MDN1: variants seen among roughly 807,000 people sequenced by gnomAD.
The protein encoded by MDN1 is midasin AAA ATPase 1.
MDN1 carries 266 observed loss-of-function variants against 669.2 expected under a neutral mutation model. The observed-to-expected ratio is 0.40, with a 90% CI of 0.36 to 0.44. The LOEUF (loss-of-function observed/expected upper bound fraction) is 0.44. Ranked by LOEUF, MDN1 falls within the 20% of genes least tolerant of loss-of-function variation. MDN1 has a pLI of 1.00. For missense variants in MDN1, 5,940 were observed against 6,754.0 expected (o/e 0.88, Z 4.22); for synonymous variants, 2,385 against 2,457.1 (o/e 0.97, Z 0.87).
At chr6:89,672,744 A>C in intron 80 of MDN1, 42 bp from the exon 81 acceptor site, 1 of 1,596,090 alleles carries the variant, frequency 6.3e-7, no homozygotes, top group Non-Finnish European at 8.5e-7. Flanking sequence ...CAAACAAAAG[A>C]CACCAATCAT....
In MDN1 at chr6:89,712,134, A is replaced by G; in HGVS notation, c.7553T>C (p.Met2518Thr). The change falls in exon 49 of 102, where the codon ATG becomes ACG. Residue 2518 changes from methionine (M) to threonine (T), a missense_variant. Met to Thr is a moderately conservative substitution (Grantham distance 81). Coordinates refer to ENST00000369393, the MANE Select transcript of MDN1 (RefSeq NM_014611.3). ...TCTTTCTATGAGCAATTTAACAGCCATGACCAAAACATCTGGTTCATCGAT... is the reference window on the plus strand; with the variant it reads ...TCTTTCTATGAGCAATTTAACAGCCGTGACCAAAACATCTGGTTCATCGAT... ...YWIDEPDVLVMAVKLLIERAT... is the reference protein window; with the variant it reads ...YWIDEPDVLVTAVKLLIERAT... 1 of 1,614,202 alleles carries G rather than the reference A, an allele frequency of 6.2e-7. No homozygotes were observed. Among genetic ancestry groups the G allele is most frequent in the Non-Finnish European group, 8.5e-7 (1 of 1,180,010 alleles).
Position 89,713,263 on chromosome 6 carries a change from T to C in MDN1, c.7103A>G (p.Gln2368Arg). The stretch of plus-strand genomic sequence containing the variant: ...GTACTGGACAATTAGTATGGCTGTC[T>C]GGATTAGAGTTGATACAGAAGATGT... ...SPTSSVSTLIQTAILIVQYLQ... is the reference protein window; with the variant it reads ...SPTSSVSTLIRTAILIVQYLQ... Residue 2368 changes from glutamine (Q) to arginine (R), a missense_variant, in exon 47 of 102, where the codon CAG becomes CGG. Coordinates refer to ENST00000369393, the MANE Select transcript of MDN1 (RefSeq NM_014611.3). 1 of 1,613,822 alleles carries C rather than the reference T, an allele frequency of 6.2e-7. No homozygotes were observed. Among genetic ancestry groups the C allele is most frequent in the South Asian group, 1.1e-5 (1 of 91,066 alleles).
At position 89,706,041 on chromosome 6, in the gene MDN1, C is replaced by G. The variant is rs1813490956; in HGVS notation, c.8148+18G>C. On this transcript the variant is annotated intron_variant, in intron 53 of 101. Coordinates refer to ENST00000369393, the MANE Select transcript of MDN1 (RefSeq NM_014611.3). ...TAAATTTTGTTGTTTAAAAATAAAA[C>G]AAGATGCAGTTCCTTACCTCATTGG... 3 of 1,543,256 alleles carry G rather than the reference C, an allele frequency of 1.9e-6. No homozygotes were observed. Among genetic ancestry groups the G allele is most frequent in the Non-Finnish European group, 2.6e-6 (3 of 1,141,946 alleles).
chr6:89,812,110 C>G (rs1291833140), intron 1 of MDN1, among the ~76,000 whole-genome samples: 5 of 151,706 alleles, frequency 3.3e-5, no homozygotes, highest in Non-Finnish European at 7.4e-5. Flanking sequence ...CTCAGCCTCC[C>G]GAGTAGCTGG....
intron 1 of MDN1, among the ~76,000 whole-genome samples, chr6:89,809,871 C>T (rs1768273211): frequency 6.8e-6 from 1 of 148,134 alleles, no homozygotes; most frequent in Non-Finnish European, 1.5e-5. Context: ...TGCCTGTAGT[C>T]CCTACTACTC....
intron 11 of MDN1, 90 bp downstream of exon 11, chr6:89,780,122 G>A: frequency 1.5e-6 from 1 of 668,792 alleles, no homozygotes; most frequent in Non-Finnish European, 2.4e-6. Context: ...AAAGAAAAAA[G>A]TCTGATGGCA....
chr6:89,814,705 C>T (rs1319656205), intron 1 of MDN1: 3 of 290,446 alleles, frequency 1.0e-5, no homozygotes, highest in Non-Finnish European at 2.1e-5. Context: ...ATGCGAGGGC[C>T]TCCATGCACC....
intron 40 of MDN1, among the ~76,000 whole-genome samples, chr6:89,719,643 C>T (rs921217286): frequency 6.6e-6 from 1 of 152,204 alleles, no homozygotes; most frequent in Admixed American, 6.5e-5. Context: ...ATGTACCAAA[C>T]ACTGTATTAA....
Position 89,695,961 on chromosome 6 carries a change from G to A in MDN1, c.9415C>T (p.Leu3139=). ...RTDSQLQGQV[L]FRHLAGLAEL... ...GCTAGGCCTGCCAGGTGCCGGAACA[G>A]CACCTGCCCCTGGAGTTGGGAATCC... Residue 3139 remains leucine, a synonymous_variant, in exon 61 of 102, where the codon CTG becomes TTG. Coordinates refer to ENST00000369393, the MANE Select transcript of MDN1 (RefSeq NM_014611.3). This position sits in a 1 kb window ranked among gnomAD's most constrained non-coding sequence, Gnocchi z 4.1. 6.2e-7 allele frequency: 1 copy of A among 1,610,280 alleles called. No homozygotes were observed. The highest frequency in any genetic ancestry group is 8.5e-7 in the Non-Finnish European group (1 of 1,178,448).
chr6:89,734,691 A>AGAGAGAGAGAGAGAGAGAGAGAG lies in MDN1; in HGVS notation c.4724-1917_4724-1916insCTCTCTCTCTCTCTCTCTCTCTC, dbSNP rs370691129. On this transcript the variant is annotated intron_variant, in intron 33 of 101. Transcript: ENST00000369393. Reference sequence around the variant, plus strand: ...AGAAGAAAAAAAAAAAAAAAAAAACAAGAGAGAGAGAGAGAGAGAGAGAGA... The same window carrying AGAGAGAGAGAGAGAGAGAGAGAG: ...AGAAGAAAAAAAAAAAAAAAAAAACAGAGAGAGAGAGAGAGAGAGAGAGAGAGAGAGAGAGAGAGAGAGAGAGA... Among the ~76,000 whole-genome samples the AGAGAGAGAGAGAGAGAGAGAGAG allele has an allele frequency of 6.8e-4, 77 of 112,980 alleles. 6 individuals are homozygous for AGAGAGAGAGAGAGAGAGAGAGAG. In the East Asian group the frequency reaches 0.014, roughly 21 times the overall value. The allele number at this position is 112,980 out of a possible 152,430, so 74.1% of individuals were successfully genotyped here. A position where few individuals can be genotyped will look rare whatever the true frequency, so the allele number is the denominator to read the frequency against.
intron 84 of MDN1, 85 bp from the exon 85 acceptor site, chr6:89,664,713 G>T: frequency 9.3e-7 from 1 of 1,080,432 alleles, no homozygotes; most frequent in Non-Finnish European, 1.3e-6. Flanking sequence ...AAGGTTAATG[G>T]TGTAAAAATA....
At chr6:89,779,497 A>G (rs1037655668) in intron 11 of MDN1, among the ~76,000 whole-genome samples, 3 of 152,234 alleles carry the variant, frequency 2.0e-5, no homozygotes, top group African/African-American at 7.2e-5. Context: ...AAAGAGGTTC[A>G]GTCAACCAAC....
At chr6:89,675,626 C>T (rs779954946) in intron 77 of MDN1, 47 bp from the exon 78 acceptor site, 1 of 1,518,784 alleles carries the variant, frequency 6.6e-7, no homozygotes, top group East Asian at 2.3e-5. Context: ...TGACAAACAT[C>T]ACCCACAGAT....
In MDN1 at chr6:89,732,702, C is replaced by T; in HGVS notation, c.4797G>A (p.Val1599=). 4.3e-6 allele frequency: 7 copies of T among 1,613,982 alleles called. No individual in the cohort carries two copies. The highest frequency in any genetic ancestry group is 5.9e-6 in the Non-Finnish European group (7 of 1,179,960). ...AGGACAGGATATCTCTGATACTGAC[C>T]ACACACTTTCTGCCAAACTCTTGGT... The part of the protein sequence containing the change: ...LTHQEFGRKC[V]VSIRDILSWV... The change falls in exon 34 of 102, where the codon GTG becomes GTA. Residue 1599 remains valine, a synonymous_variant. Coordinates refer to ENST00000369393, the MANE Select transcript of MDN1 (RefSeq NM_014611.3).
chr6:89,672,427 C>CT, intron 81 of MDN1, 64 bp from the exon 82 acceptor site: 1 of 1,599,500 alleles, frequency 6.3e-7, no homozygotes, highest in Non-Finnish European at 8.5e-7. Context: ...CCTTTTATCT[C>CT]TATCCATGCA....
At chr6:89,779,391 C>T (rs996945610) in intron 11 of MDN1, among the ~76,000 whole-genome samples, 2 of 152,160 alleles carry the variant, frequency 1.3e-5, no homozygotes, top group Non-Finnish European at 2.9e-5. Flanking sequence ...CACATACATG[C>T]TCCCATCATA....
chr6:89,718,720 C>A (rs764288725), intron 42 of MDN1, 47 bp downstream of exon 42: 41 of 1,609,728 alleles, frequency 2.5e-5, no homozygotes, highest in Non-Finnish European at 3.3e-5. Flanking sequence ...AGTCAGACCA[C>A]GGGGTTTATT....
At chr6:89,799,740 A>G (rs531301945) in intron 2 of MDN1, among the ~76,000 whole-genome samples, 2 of 152,332 alleles carry the variant, frequency 1.3e-5, no homozygotes, top group East Asian at 1.9e-4. Context: ...TTTTCCTACC[A>G]CAACGGGAAA....
At chr6:89,702,084 A>G (rs1369940981) in intron 53 of MDN1, 23 bp from the exon 54 acceptor site, 1 of 1,567,390 alleles carries the variant, frequency 6.4e-7, no homozygotes, top group East Asian at 2.3e-5. Context: ...TCTCTTAGAT[A>G]AGATGGCATG....
Sources: allele counts gnomAD v4.1 joint callset (sites outside exome capture counted in the v4.1 genomes callset), GRCh38; gene constraint gnomAD v4.1.1; non-coding constraint Gnocchi (gnomAD v3.1); transcripts MANE v1.5; gene names NCBI Gene and HGNC (gene_info 2026-07-23, HGNC 2026-07-21).